Variants in GPC5 observed in about 807,000 individuals in gnomAD.
The protein encoded by GPC5 is glypican 5.
A neutral mutation model predicts 53.9 loss-of-function variants in GPC5; 47 were observed. That is an observed-to-expected ratio of 0.87 (90% CI 0.69 to 1.11). The LOEUF (loss-of-function observed/expected upper bound fraction) is 1.11, where lower values mean the gene tolerates loss of function less well. GPC5 is among the 50% of genes most tolerant of loss of function. GPC5 has a pLI of 0.00. For synonymous variants in GPC5, 286 were observed against 263.3 expected, an observed-to-expected ratio of 1.09 and a Z score of -0.84; for missense variants, 748 against 713.1, an observed-to-expected ratio of 1.05 and a Z score of -0.56.
At chr13:92,734,506 T>C (rs1888887742) in intron 7 of GPC5, among the ~76,000 whole-genome samples, 1 of 151,922 alleles carries the variant, frequency 6.6e-6, no homozygotes, top group Non-Finnish European at 1.5e-5. Flanking sequence ...TGAAGATGTG[T>C]GTAATGAAAA....
At chr13:91,832,349 G>A (rs570751688) in intron 5 of GPC5, among the ~76,000 whole-genome samples, 9 of 118,634 alleles carry the variant, frequency 7.6e-5, no homozygotes, top group Non-Finnish European at 1.0e-4. Flanking sequence ...ATATTCCTCC[G>A]TCCCTTTATT....
At chr13:92,262,898 G>T (rs16947195) in intron 7 of GPC5, among the ~76,000 whole-genome samples, 49,696 of 152,012 alleles carry the variant, frequency 0.33, 8,491 homozygotes, top group Middle Eastern at 0.46. Context: ...CCTTTGAGTA[G>T]GCTAAGCCTT....
At chr13:92,077,857 C>G (rs1368639153) in intron 6 of GPC5, among the ~76,000 whole-genome samples, 2 of 152,136 alleles carry the variant, frequency 1.3e-5, no homozygotes, top group Non-Finnish European at 2.9e-5. Flanking sequence ...ACATCATAGC[C>G]TAATCCCTAA....
rs139761495 is a variant in GPC5 at position 91,879,371 on chromosome 13, T to G, written c.1281-28566T>G. On this transcript the variant is annotated intron_variant, in intron 5 of 7. Coordinates refer to ENST00000377067, the MANE Select transcript of GPC5 (RefSeq NM_004466.6). ...TTTTATCGGTCATGCATGTTAAATA[T>G]CATTAAATAAATATCTGGAATTGGG... 5.9e-5 allele frequency among the ~76,000 whole-genome samples: 9 copies of G among 152,282 alleles called. 1 individual carries two copies. The highest frequency in any genetic ancestry group is 1.2e-4 in the Non-Finnish European group (8 of 68,016).
chr13:92,196,670 G>A (rs1384497883), intron 7 of GPC5, among the ~76,000 whole-genome samples: 2 of 152,152 alleles, frequency 1.3e-5, no homozygotes, highest in Admixed American at 6.5e-5. Flanking sequence ...TAGCTGCTCA[G>A]CTATTCTGTT....
chr13:92,730,167 C>G (rs1288865764), intron 7 of GPC5, among the ~76,000 whole-genome samples: 2 of 151,382 alleles, frequency 1.3e-5, no homozygotes, highest in Non-Finnish European at 3.0e-5. Context: ...CCTAAATGGA[C>G]ATCATACTTA....
intron 2 of GPC5, among the ~76,000 whole-genome samples, chr13:91,466,919 A>G (rs768980713): frequency 6.6e-6 from 1 of 152,122 alleles, no homozygotes; most frequent in Non-Finnish European, 1.5e-5. Flanking sequence ...GTGTTTATTT[A>G]GTATATATTG....
rs1436927747 is a variant in GPC5, at chr13:92,407,777, AT to A, written c.1561+262789del. Among the ~76,000 whole-genome samples, 19 of 152,314 alleles carry A rather than the reference AT, an allele frequency of 1.2e-4. No homozygotes were observed. The East Asian group carries it at 2.9e-3, about 23-fold the overall frequency. ...AATATAAAATATTAAGACATAAAAAATGTGAGTAATGATTATTTGATTAGTC... is the reference window on the plus strand; with the variant it reads ...AATATAAAATATTAAGACATAAAAAAGTGAGTAATGATTATTTGATTAGTC... On this transcript the variant is annotated intron_variant, in intron 7 of 7. Transcript: ENST00000377067.
intron 7 of GPC5, among the ~76,000 whole-genome samples, chr13:92,705,425 A>G (rs1471896544): frequency 1.3e-5 from 2 of 152,184 alleles, no homozygotes; most frequent in Admixed American, 6.6e-5. Context: ...ACCTAGCTAC[A>G]TATGGCTATA....
At chr13:92,863,152 T>C (rs1016994323) in intron 7 of GPC5, among the ~76,000 whole-genome samples, 2 of 152,156 alleles carry the variant, frequency 1.3e-5, no homozygotes, top group Non-Finnish European at 2.9e-5. Flanking sequence ...AATTTATCTT[T>C]TTTGTTCTCA....
chr13:92,391,153 T>TAATACTGAAAA (rs1555332331), intron 7 of GPC5, among the ~76,000 whole-genome samples: 2 of 152,150 alleles, frequency 1.3e-5, no homozygotes, highest in African/African-American at 4.8e-5. Context: ...CTCATTAATA[T>TAATACTGAAAA]AATTATTTCA....
intron 2 of GPC5, chr13:91,485,706 A>T (rs1234330174): frequency 6.6e-6 from 1 of 152,214 alleles, no homozygotes; most frequent in Non-Finnish European, 1.5e-5. Context: ...CAGTTTATTC[A>T]GGCTGAAAAG....
intron 5 of GPC5, among the ~76,000 whole-genome samples, chr13:91,793,698 G>A (rs1343386587): frequency 2.0e-5 from 3 of 152,134 alleles, no homozygotes; most frequent in African/African-American, 7.2e-5. Context: ...CATGACTGGG[G>A]AGGCCTCAGG....
intron 2 of GPC5, among the ~76,000 whole-genome samples, chr13:91,630,452 T>C (rs1428964833): frequency 6.6e-6 from 1 of 152,294 alleles, no homozygotes; most frequent in East Asian, 1.9e-4. Context: ...GAGATAGACA[T>C]AAATCAGGAC....
chr13:92,115,780 C>T (rs80347585), intron 6 of GPC5, among the ~76,000 whole-genome samples: 3,067 of 152,192 alleles, frequency 0.02, 107 homozygotes, highest in African/African-American at 0.071. Flanking sequence ...TAGGATTTTC[C>T]AGGCTATGGG....
rs1353984817 is a variant in GPC5, at chr13:92,483,645, A to C, written c.1561+338656A>C. Among the ~76,000 whole-genome samples, 9 of 150,796 alleles carry C rather than the reference A, an allele frequency of 6.0e-5. No individual in the cohort carries two copies. The East Asian group carries it at 1.2e-3, about 19-fold the overall frequency. On this transcript the variant is annotated intron_variant, in intron 7 of 7. Coordinates refer to ENST00000377067, the MANE Select transcript of GPC5 (RefSeq NM_004466.6). ...AAATATTTCTTTTTCTTCAATAATA[A>C]ATTTACCTTAACACTGTAATTTTTT...
At chr13:92,559,318 T>C (rs1184096907) in intron 7 of GPC5, among the ~76,000 whole-genome samples, 1 of 142,680 alleles carries the variant, frequency 7.0e-6, no homozygotes, top group Non-Finnish European at 1.5e-5. Flanking sequence ...AGATGCTCTT[T>C]GTAGTGTGTA....
intron 7 of GPC5, among the ~76,000 whole-genome samples, chr13:92,156,837 G>A (rs1458517629): frequency 2.0e-5 from 3 of 151,726 alleles, no homozygotes; most frequent in Non-Finnish European, 2.9e-5. Context: ...ATATATGTGT[G>A]TTTATATATT....
At chr13:92,788,358 G>A (rs1418885697) in intron 7 of GPC5, among the ~76,000 whole-genome samples, 1 of 151,964 alleles carries the variant, frequency 6.6e-6, no homozygotes, top group Non-Finnish European at 1.5e-5. Context: ...ATTTTTAAAA[G>A]CATATATTGA....
Sources: gnomAD v4.1 joint callset for allele counts (sites outside exome capture counted in the v4.1 genomes callset) on GRCh38, gnomAD v4.1.1 for gene constraint, MANE v1.5 for transcripts, NCBI Gene and HGNC (gene_info 2026-07-23, HGNC 2026-07-21) for gene names.